The following MSX1 variants were observed in gnomAD, a reference collection of about 807,000 sequenced individuals.
MSX1 encodes the protein msh homeobox 1.
Under a neutral mutation model 17.0 loss-of-function variants are expected in MSX1, and 11 were observed. The observed-to-expected ratio is 0.65, with a 90% CI of 0.41 to 1.07. The LOEUF is 1.07. Ranked by LOEUF, MSX1 falls within the 50% of genes least tolerant of loss-of-function variation. The pLI is 0.00. For missense variants in MSX1, 477 were observed against 440.1 expected, an observed-to-expected ratio of 1.08 and a Z score of -0.75; for synonymous variants, 253 against 211.8, an observed-to-expected ratio of 1.19 and a Z score of -1.69.
intron 1 of MSX1, chr4:4,862,456 G>T: frequency 1.4e-6 from 1 of 690,396 alleles, no homozygotes; most frequent in East Asian, 2.7e-5. Context: ...CCTTCAACGT[G>T]GGTATTTTTC....
Position 4,860,342 on chromosome 4 carries a change from G to A in MSX1, c.443G>A (p.Ser148Asn), listed in dbSNP as rs756500556. The A allele has an allele frequency of 1.3e-6, 2 of 1,593,682 alleles. No homozygotes were observed. The highest frequency in any genetic ancestry group is 1.8e-4 in the Middle Eastern group (1 of 5,698). ...CCCGAGAGGACCCCGTGGATGCAGA[G>A]CCCCCGCTTCTCCCCGCCGCCGGCC... ...EKPERTPWMQ[S>N]PRFSPPPARR... Residue 148 changes from serine (S) to asparagine (N), a missense_variant, in exon 1 of 2, where the codon AGC (serine) becomes AAC (asparagine). Transcript: ENST00000382723.
Position 4,862,843 on chromosome 4 carries a change from G to C in MSX1, c.612G>C (p.Glu204Asp), listed in dbSNP as rs1737948769. 2.5e-6 allele frequency: 4 copies of C among 1,613,846 alleles called. No homozygotes were observed. Among genetic ancestry groups the C allele is most frequent in the South Asian group, 1.1e-5 (1 of 91,084 alleles). ...ACCTGTCCATCGCCGAGCGCGCGGA[G>C]TTCTCCAGCTCGCTCAGCCTCACTG... ...KQYLSIAERA[E>D]FSSSLSLTET... The change falls in exon 2 of 2, where the codon GAG (glutamate) becomes GAC (aspartate). Residue 204 changes from glutamate (E) to aspartate (D), a missense_variant. By Grantham distance (45) the Glu-to-Asp change is conservative. Coordinates refer to ENST00000382723, the MANE Select transcript of MSX1 (RefSeq NM_002448.3).
At position 4,862,632 on chromosome 4, in the gene MSX1, C is replaced by A. The variant is rs1334524955; in HGVS notation, c.470-69C>A. The stretch of plus-strand genomic sequence containing the variant: ...TGGTATTGTTTGGCTATTATTACTA[C>A]TTCTTGGGCTGATCATGCTCCAATG... On this transcript the variant is annotated intron_variant, in intron 1 of 1. Coordinates refer to ENST00000382723, the MANE Select transcript of MSX1 (RefSeq NM_002448.3). 3 of 1,566,096 alleles carry A rather than the reference C, an allele frequency of 1.9e-6. No individual in the cohort carries two copies. The African/African-American group carries it at 4.0e-5, about 21-fold the overall frequency.
rs1177012243 is a variant in MSX1 at position 4,860,287 on chromosome 4, G to A, written c.388G>A (p.Ala130Thr). Residue 130 changes from alanine to threonine, a missense_variant, in exon 1 of 2, where the codon GCG becomes ACG. By Grantham distance (58) the Ala-to-Thr change is moderately conservative. Transcript: ENST00000382723. ...VGGLLKLPED[A>T]LVKAESPEKP... ...GGGACTCCTCAAGCTGCCAGAAGAT[G>A]CGCTCGTCAAAGCCGAGAGCCCCGA... The A allele has an allele frequency of 6.2e-7, 1 of 1,600,462 alleles. No homozygotes were observed. The highest frequency in any genetic ancestry group is 1.1e-5 in the South Asian group (1 of 90,940).
rs554847629 is a variant in MSX1, at chr4:4,859,758, G to C, written c.-142G>C. On this transcript the variant is annotated 5_prime_UTR_variant, in exon 1 of 2. Transcript: ENST00000382723. ...CAGCACGCCGGAGCTGGCCTGCTGG[G>C]GAGGGGCGGGAGGCGCGCGCGGGAG... 22 of 485,144 alleles carry C rather than the reference G, an allele frequency of 4.5e-5. No individual in the cohort carries two copies. The South Asian group carries it at 1.8e-3, about 39-fold the overall frequency. 30.1% of individuals were successfully genotyped at this position (485,144 alleles called of 1,614,324 possible). A position where few individuals can be genotyped will look rare whatever the true frequency, so the allele number is the denominator to read the frequency against.
At position 4,859,723 on chromosome 4, in the gene MSX1, A is replaced by G. The variant is rs2108777481; in HGVS notation, c.-177A>G. On this transcript the variant is annotated 5_prime_UTR_variant, in exon 1 of 2. Coordinates refer to ENST00000382723, the MANE Select transcript of MSX1 (RefSeq NM_002448.3). ...CTGCCTGCGCGGCGGCAGCGACCGG[A>G]GGCCAGGCCCAGCACGCCGGAGCTG... 3.6e-6 allele frequency: 1 copy of G among 273,994 alleles called. No homozygotes were observed. Among genetic ancestry groups the G allele is most frequent in the Non-Finnish European group, 6.1e-6 (1 of 162,870 alleles). 17.0% of individuals were successfully genotyped at this position (273,994 alleles called of 1,614,324 possible).
chr4:4,862,369 C>A (rs775150614), intron 1 of MSX1: 12 of 495,248 alleles, frequency 2.4e-5, no homozygotes, highest in Non-Finnish European at 4.1e-5. Context: ...GCCATGAAGG[C>A]CTTCCTAAGC....
chr4:4,862,884 T>C lies in MSX1; in HGVS notation c.653T>C (p.Ile218Thr). Reference protein sequence around the residue: ...SLSLTETQVKIWFQNRRAKAK... With the variant: ...SLSLTETQVKTWFQNRRAKAK... ...AGCCTCACTGAGACGCAGGTGAAGA[T>C]ATGGTTCCAGAACCGCCGCGCCAAG... The change falls in exon 2 of 2, where the codon ATA becomes ACA. Residue 218 changes from isoleucine (I) to threonine (T), a missense_variant. Transcript: ENST00000382723. 6.2e-7 allele frequency: 1 copy of C among 1,613,654 alleles called. No individual in the cohort carries two copies. Among genetic ancestry groups the C allele is most frequent in the Non-Finnish European group, 8.5e-7 (1 of 1,179,988 alleles).
chr4:4,859,936 G>C lies in MSX1; in HGVS notation c.37G>C (p.Gly13Arg), dbSNP rs955681045. ...TGCTGACATGACTTCTTTGCCACTC[G>C]GTGTCAAAGTGGAGGACTCCGCCTT... ...PAADMTSLPL[G>R]VKVEDSAFGK... The change falls in exon 1 of 2, where the codon GGT becomes CGT. Residue 13 changes from glycine to arginine, a missense_variant. Gly to Arg is a moderately radical substitution (Grantham distance 125, BLOSUM62 -2). This residue lies in a region of MSX1 where 355 missense variants were observed against 306.1 expected (regional missense o/e 1.16). Coordinates refer to ENST00000382723, the MANE Select transcript of MSX1 (RefSeq NM_002448.3). The C allele has an allele frequency of 1.3e-6, 2 of 1,495,418 alleles. No homozygotes were observed. Among genetic ancestry groups the C allele is most frequent in the East Asian group, 2.9e-5 (1 of 35,070 alleles). 92.6% of individuals were successfully genotyped at this position (1,495,418 alleles called of 1,614,324 possible). A position where few individuals can be genotyped will look rare whatever the true frequency, so the allele number is the denominator to read the frequency against.
chr4:4,859,825 C>G lies in MSX1; in HGVS notation c.-75C>G, dbSNP rs1269122234. ...GCCCCGGGCGCTCGCAGAGGCCGGC[C>G]GCGCTCCCAGCCCGCCCGGAGCCCA... On this transcript the variant is annotated 5_prime_UTR_variant, in exon 1 of 2. Transcript: ENST00000382723. The G allele has an allele frequency of 6.2e-6, 8 of 1,294,566 alleles. No individual in the cohort carries two copies. The Admixed American group carries it at 3.3e-4, about 53-fold the overall frequency. The allele number at this position is 1,294,566 out of a possible 1,614,324, so 80.2% of individuals were successfully genotyped here.
Position 4,862,873 on chromosome 4 carries a change from G to C in MSX1, c.642G>C (p.Thr214=). Reference sequence around the variant, plus strand: ...CCAGCTCGCTCAGCCTCACTGAGACGCAGGTGAAGATATGGTTCCAGAACC... The same window carrying C: ...CCAGCTCGCTCAGCCTCACTGAGACCCAGGTGAAGATATGGTTCCAGAACC... The part of the protein sequence containing the change: ...EFSSSLSLTE[T]QVKIWFQNRR... The change falls in exon 2 of 2, where the codon ACG becomes ACC. Residue 214 remains threonine, a synonymous_variant. Transcript: ENST00000382723. 3 of 1,613,772 alleles carry C rather than the reference G, an allele frequency of 1.9e-6. No homozygotes were observed. Among genetic ancestry groups the C allele is most frequent in the Non-Finnish European group, 2.5e-6 (3 of 1,180,036 alleles).
chr4:4,861,481 T>G (rs1737915069), intron 1 of MSX1, among the ~76,000 whole-genome samples: 1 of 152,230 alleles, frequency 6.6e-6, no homozygotes. Flanking sequence ...TTCTTTGTTT[T>G]GTTTTGTTTT....
At chr4:4,862,047 CTTTCTG>C (rs1349330272) in intron 1 of MSX1, among the ~76,000 whole-genome samples, 1 of 152,220 alleles carries the variant, frequency 6.6e-6, no homozygotes, top group East Asian at 1.9e-4. Flanking sequence ...CCAGATGACA[CTTTCTG>C]TTTCTAAGAG....
intron 1 of MSX1, among the ~76,000 whole-genome samples, chr4:4,860,725 G>C (rs984317197): frequency 6.6e-6 from 1 of 152,234 alleles, no homozygotes; most frequent in African/African-American, 2.4e-5. Flanking sequence ...GTGTGGTGCG[G>C]TATCTTCCCT....
At position 4,859,884 on chromosome 4, in the gene MSX1, G is replaced by A. The variant is rs373089119; in HGVS notation, c.-16G>A. On this transcript the variant is annotated 5_prime_UTR_variant, in exon 1 of 2. Coordinates refer to ENST00000382723, the MANE Select transcript of MSX1 (RefSeq NM_002448.3). ...GGCTGGCCAGTGCTGCGGCAGAAGG[G>A]GGGGCCCGGCTCTGCATGGCCCCGG... 15 of 1,476,240 alleles carry A rather than the reference G, an allele frequency of 1.0e-5. No individual in the cohort carries two copies. The highest frequency in any genetic ancestry group is 8.0e-5 in the South Asian group (6 of 75,398). The allele number at this position is 1,476,240 out of a possible 1,614,324, so 91.4% of individuals were successfully genotyped here.
Position 4,860,357 on chromosome 4 carries a change from C to A in MSX1, c.458C>A (p.Pro153Gln), listed in dbSNP as rs104893854. ...TGGATGCAGAGCCCCCGCTTCTCCC[C>A]GCCGCCGGCCAGTGAGTAGCCAGAA... ...TPWMQSPRFSPPPARRLSPPA... is the reference protein window; with the variant it reads ...TPWMQSPRFSQPPARRLSPPA... The change falls in exon 1 of 2, where the codon CCG becomes CAG. Residue 153 changes from proline to glutamine, a missense_variant. Pro to Gln is a moderately conservative substitution (Grantham distance 76, BLOSUM62 -1). This residue lies in a region of MSX1 where 355 missense variants were observed against 306.1 expected (regional missense o/e 1.16). Transcript: ENST00000382723. 94 of 1,603,696 alleles carry A rather than the reference C, an allele frequency of 5.9e-5. No individual in the cohort carries two copies. In the East Asian group the frequency reaches 6.3e-4, roughly 11 times the overall value.
At position 4,860,265 on chromosome 4, in the gene MSX1, A is replaced by T; in HGVS notation, c.366A>T (p.Gly122=). The T allele has an allele frequency of 6.4e-7, 1 of 1,554,736 alleles. No individual in the cohort carries two copies. The highest frequency in any genetic ancestry group is 1.8e-5 in the Admixed American group (1 of 56,112). ...CGCTCGGCCATTTCTCGGTGGGGGG[A>T]CTCCTCAAGCTGCCAGAAGATGCGC... ...PRPLGHFSVG[G]LLKLPEDALV... The change falls in exon 1 of 2, where the codon GGA becomes GGT. Residue 122 remains glycine, a synonymous_variant. Coordinates refer to ENST00000382723, the MANE Select transcript of MSX1 (RefSeq NM_002448.3).
At chr4:4,860,908 G>C (rs186421875) in intron 1 of MSX1, among the ~76,000 whole-genome samples, 1 of 152,318 alleles carries the variant, frequency 6.6e-6, no homozygotes, top group African/African-American at 2.4e-5. Context: ...ATTCAGGGGT[G>C]GGGACATTCA....
Position 4,859,881 on chromosome 4 carries a change from A to G in MSX1, c.-19A>G. 6.8e-7 allele frequency: 1 copy of G among 1,472,492 alleles called. No individual in the cohort carries two copies. Among genetic ancestry groups the G allele is most frequent in the East Asian group, 3.0e-5 (1 of 33,468 alleles). 91.2% of individuals were successfully genotyped at this position (1,472,492 alleles called of 1,614,324 possible). A position where few individuals can be genotyped will look rare whatever the true frequency, so the allele number is the denominator to read the frequency against. ...GGCGGCTGGCCAGTGCTGCGGCAGA[A>G]GGGGGGGCCCGGCTCTGCATGGCCC... On this transcript the variant is annotated 5_prime_UTR_variant, in exon 1 of 2. Transcript: ENST00000382723.
Sources: gnomAD v4.1 joint callset for allele counts (sites outside exome capture counted in the v4.1 genomes callset) on GRCh38, gnomAD v4.1.1 for gene constraint, gnomAD v4.1.1 regional missense constraint, MANE v1.5 for transcripts, NCBI Gene and HGNC (gene_info 2026-07-23, HGNC 2026-07-21) for gene names.